The following LCLAT1 variants were observed in gnomAD, a reference collection of about 807,000 sequenced individuals.
LCLAT1 encodes 1-AGP acyltransferase 8.
In LCLAT1, 11 loss-of-function variants were observed where a neutral mutation model predicts 30.7. The observed-to-expected ratio is 0.36, with a 90% CI of 0.23 to 0.59. The LOEUF (loss-of-function observed/expected upper bound fraction) is 0.59, where lower values mean the gene tolerates loss of function less well. Among genes scored for constraint, LCLAT1 ranks in the 20% least tolerant of loss-of-function variants. The pLI is 0.77. For missense variants in LCLAT1, 402 were observed against 458.6 expected (o/e 0.88, Z 1.13); for synonymous variants, 155 against 151.3 (o/e 1.02, Z -0.18).
chr2:30,465,046 G>A (rs1219770212), intron 1 of LCLAT1, among the ~76,000 whole-genome samples: 1 of 152,048 alleles, frequency 6.6e-6, no homozygotes, highest in Non-Finnish European at 1.5e-5. Flanking sequence ...CTCTGTGGTA[G>A]GCTGAAAATG....
intron 5 of LCLAT1, among the ~76,000 whole-genome samples, chr2:30,593,718 TTC>T (rs770538942): frequency 6.6e-6 from 1 of 152,166 alleles, no homozygotes; most frequent in Non-Finnish European, 1.5e-5. Context: ...GGAAAATAGT[TTC>T]TCTTCTAATT....
At chr2:30,523,761 C>T (rs775105718) in intron 1 of LCLAT1, among the ~76,000 whole-genome samples, 10 of 152,006 alleles carry the variant, frequency 6.6e-5, no homozygotes, top group Non-Finnish European at 1.5e-4. Context: ...CTGGCTACTC[C>T]GGAGGCTGAG....
At chr2:30,631,003 C>T (rs1280963181) in intron 5 of LCLAT1, among the ~76,000 whole-genome samples, 2 of 152,136 alleles carry the variant, frequency 1.3e-5, no homozygotes, top group African/African-American at 4.8e-5. Flanking sequence ...TGATTAACTC[C>T]CACCAGTTGA....
At position 30,459,969 on chromosome 2, in the gene LCLAT1, G is replaced by T. The variant is rs753606403; in HGVS notation, c.-5+12586G>T. ...AGAACAAACCCAGCATTTCTGTTTG[G>T]CATTTGGTTGTGTGATTCTTTTTGG... is the stretch of plus-strand genomic sequence containing the variant. On this transcript the variant is annotated intron_variant, in intron 1 of 5. Coordinates refer to ENST00000379509, the MANE Select transcript of LCLAT1 (RefSeq NM_001002257.3). Among the ~76,000 whole-genome samples the T allele has an allele frequency of 3.9e-5, 6 of 152,168 alleles. No homozygotes were observed. In the East Asian group the frequency reaches 5.8e-4, roughly 15 times the overall value.
intron 1 of LCLAT1, among the ~76,000 whole-genome samples, chr2:30,470,512 A>C (rs1460524336): frequency 6.6e-6 from 1 of 152,224 alleles, no homozygotes; most frequent in East Asian, 1.9e-4. Flanking sequence ...TAAAATACAA[A>C]CTAAATTCCT....
At chr2:30,470,495 T>A (rs1682721644) in intron 1 of LCLAT1, among the ~76,000 whole-genome samples, 1 of 152,212 alleles carries the variant, frequency 6.6e-6, no homozygotes, top group Non-Finnish European at 1.5e-5. Flanking sequence ...CATATTTGCT[T>A]TAAAGTTAAA....
At chr2:30,569,923 T>C (rs1052314529) in intron 5 of LCLAT1, among the ~76,000 whole-genome samples, 1 of 152,174 alleles carries the variant, frequency 6.6e-6, no homozygotes, top group African/African-American at 2.4e-5. Flanking sequence ...TCTTCATGCC[T>C]GTGGAATGGG....
At chr2:30,515,582 A>G (rs1357744135) in intron 1 of LCLAT1, among the ~76,000 whole-genome samples, 2 of 152,202 alleles carry the variant, frequency 1.3e-5, no homozygotes, top group Non-Finnish European at 2.9e-5. Context: ...GGTCATTTGG[A>G]AAAACTTGTT....
chr2:30,637,866 C>T (rs952729559), intron 5 of LCLAT1, among the ~76,000 whole-genome samples: 2 of 152,194 alleles, frequency 1.3e-5, no homozygotes, highest in African/African-American at 2.4e-5. Context: ...GTGTGAGCCA[C>T]CGCACCCAGC....
intron 1 of LCLAT1, among the ~76,000 whole-genome samples, chr2:30,467,811 T>G (rs1327739635): frequency 6.6e-6 from 1 of 152,252 alleles, no homozygotes; most frequent in East Asian, 1.9e-4. Flanking sequence ...GTAAATTTGT[T>G]TGAGTTCTTT....
chr2:30,475,402 G>C (rs1259345018), intron 1 of LCLAT1, among the ~76,000 whole-genome samples: 1 of 152,006 alleles, frequency 6.6e-6, no homozygotes, highest in Non-Finnish European at 1.5e-5. Flanking sequence ...AATGTAATCT[G>C]GTATTATATG....
intron 5 of LCLAT1, among the ~76,000 whole-genome samples, chr2:30,586,856 A>G (rs1426156593): frequency 6.6e-6 from 1 of 152,232 alleles, no homozygotes; most frequent in African/African-American, 2.4e-5. Flanking sequence ...AAAAAAAACC[A>G]TGCAACTACA....
chr2:30,458,077 T>G (rs147807985), intron 1 of LCLAT1, among the ~76,000 whole-genome samples: 190 of 151,820 alleles, frequency 1.3e-3, no homozygotes, highest in Middle Eastern at 3.4e-3. Flanking sequence ...TTCACTTGGT[T>G]GTTAGGTTGT....
rs1666546335 is a variant in LCLAT1, at chr2:30,588,588, G to GT, written c.628+20419dup. Among the ~76,000 whole-genome samples, 7 of 151,794 alleles carry GT rather than the reference G, an allele frequency of 4.6e-5. No homozygotes were observed. The South Asian group carries it at 1.5e-3, about 32-fold the overall frequency. On this transcript the variant is annotated intron_variant, in intron 5 of 5. Coordinates refer to ENST00000379509, the MANE Select transcript of LCLAT1 (RefSeq NM_001002257.3). The stretch of plus-strand genomic sequence containing the variant: ...TTGTTATTTTTGTTGTTGTTGTTTT[G>GT]TTTTTTTGTTTTTTTGAGACAGAAT...
intron 3 of LCLAT1, among the ~76,000 whole-genome samples, chr2:30,534,225 G>C (rs1161821204): frequency 3.5e-4 from 4 of 11,290 alleles, no homozygotes; most frequent in African/African-American, 2.4e-3. Context: ...TTTACTGTGT[G>C]TGTGTGTGTG....
At chr2:30,463,627 T>C (rs1232990894) in intron 1 of LCLAT1, among the ~76,000 whole-genome samples, 1 of 152,228 alleles carries the variant, frequency 6.6e-6, no homozygotes, top group African/African-American at 2.4e-5. Context: ...TATAACTATT[T>C]ATATAGCATT....
intron 1 of LCLAT1, among the ~76,000 whole-genome samples, chr2:30,466,942 AT>A (rs919086642): frequency 1.3e-5 from 2 of 151,932 alleles, no homozygotes; most frequent in African/African-American, 4.8e-5. Context: ...TTTATTTTTT[AT>A]TTTTTTTAAA....
At chr2:30,514,359 C>G in intron 1 of LCLAT1, among the ~76,000 whole-genome samples, 1 of 152,148 alleles carries the variant, frequency 6.6e-6, no homozygotes, top group East Asian at 1.9e-4. Context: ...AGAATAAAGG[C>G]TTTTTGAGAT....
At chr2:30,587,969 T>G (rs1283075490) in intron 5 of LCLAT1, among the ~76,000 whole-genome samples, 4 of 152,234 alleles carry the variant, frequency 2.6e-5, no homozygotes, top group African/African-American at 4.8e-5. Context: ...TCTGGAAGCC[T>G]TCTTCAGCCT....
Sources: allele counts gnomAD v4.1 joint callset (sites outside exome capture counted in the v4.1 genomes callset), GRCh38; gene constraint gnomAD v4.1.1; transcripts MANE v1.5; gene names NCBI Gene and HGNC (gene_info 2026-07-23, HGNC 2026-07-21).